DYRK1A: variants seen among roughly 807,000 people sequenced by gnomAD.
DYRK1A encodes dual specificity tyrosine phosphorylation regulated kinase 1A, also known as dual specificity tyrosine-phosphorylation-regulated kinase 1A.
Under a neutral mutation model 79.7 loss-of-function variants are expected in DYRK1A, and 9 were observed. That is an observed-to-expected ratio of 0.11 (90% CI 0.07 to 0.20). DYRK1A has a LOEUF of 0.20. Ranked by LOEUF, DYRK1A falls within the 10% of genes least tolerant of loss-of-function variation. The pLI, the probability that DYRK1A is intolerant of heterozygous loss-of-function variation, is 1.00. For synonymous variants in DYRK1A, 349 were observed against 329.7 expected (o/e 1.06, Z -0.63); for missense variants, 622 against 956.0 (o/e 0.65, Z 4.61).
intron 11 of DYRK1A, among the ~76,000 whole-genome samples, chr21:37,507,722 C>T (rs916379096): frequency 1.5e-5 from 2 of 135,830 alleles, no homozygotes; most frequent in Non-Finnish European, 3.0e-5. Flanking sequence ...TTTCTTCTAC[C>T]CAGCACTGAA....
intron 10 of DYRK1A, 24 bp from the exon 11 acceptor site, chr21:37,506,075 T>C: frequency 6.3e-7 from 1 of 1,598,114 alleles, no homozygotes; most frequent in East Asian, 2.2e-5. Flanking sequence ...CACAGTTGTA[T>C]TGTTTTGTGT....
At chr21:37,430,560 C>G (rs1011332184) in intron 2 of DYRK1A, among the ~76,000 whole-genome samples, 1 of 152,344 alleles carries the variant, frequency 6.6e-6, no homozygotes, top group Middle Eastern at 3.4e-3. Context: ...TTTTGCCTCT[C>G]TCCTAAGTGA....
intron 2 of DYRK1A, among the ~76,000 whole-genome samples, chr21:37,444,041 T>TG: frequency 6.6e-6 from 1 of 152,168 alleles, no homozygotes; most frequent in Non-Finnish European, 1.5e-5. Flanking sequence ...TCTTAGGGTG[T>TG]TACACACCTC....
chr21:37,524,260 T>A lies in DYRK1A; in HGVS notation c.*11729T>A, dbSNP rs1301768241. On this transcript the variant is annotated 3_prime_UTR_variant, in exon 12 of 12. Transcript: ENST00000647188. The stretch of plus-strand genomic sequence containing the variant: ...TTGGGTGGTATAGTGAGACCCCCCA[T>A]CTCCACAAAAAGTAAAAAAAAACCA... 13 of 146,246 alleles carry A rather than the reference T, an allele frequency of 8.9e-5. No individual in the cohort carries two copies. The highest frequency in any genetic ancestry group is 8.8e-4 in the Admixed American group (13 of 14,730). 9.1% of individuals were successfully genotyped at this position (146,246 alleles called of 1,614,324 possible). A position where few individuals can be genotyped will look rare whatever the true frequency, so the allele number is the denominator to read the frequency against.
At chr21:37,438,994 G>T (rs899594199) in intron 2 of DYRK1A, among the ~76,000 whole-genome samples, 4 of 152,050 alleles carry the variant, frequency 2.6e-5, no homozygotes, top group Non-Finnish European at 5.9e-5. Flanking sequence ...CTAATTTTCA[G>T]TATGCAGTTT....
At chr21:37,398,518 C>T (rs1192701527) in intron 1 of DYRK1A, among the ~76,000 whole-genome samples, 1 of 152,118 alleles carries the variant, frequency 6.6e-6, no homozygotes, top group Non-Finnish European at 1.5e-5. Flanking sequence ...TAAACAGACT[C>T]AGAAAAAGTT....
intron 9 of DYRK1A, among the ~76,000 whole-genome samples, chr21:37,497,227 A>G (rs2053298852): frequency 6.6e-6 from 1 of 152,172 alleles, no homozygotes; most frequent in Non-Finnish European, 1.5e-5. Context: ...CCACACAGCT[A>G]TGGAGTCATA....
chr21:37,422,586 A>T lies in DYRK1A; in HGVS notation c.10+2202A>T, dbSNP rs116351731. ...CTTTTCCTTGATGAGGCACAGGTTC[A>T]GGGATGCTGGAAAGGACACTGAAGT... On this transcript the variant is annotated intron_variant, in intron 2 of 11. Transcript: ENST00000647188. Among the ~76,000 whole-genome samples, 750 of 152,240 alleles carry T rather than the reference A, an allele frequency of 4.9e-3. 5 individuals are homozygous for T. Among genetic ancestry groups the T allele is most frequent in the African/African-American group, 0.017 (689 of 41,560 alleles).
At chr21:37,385,963 A>G (rs2148377921) in intron 1 of DYRK1A, among the ~76,000 whole-genome samples, 1 of 152,254 alleles carries the variant, frequency 6.6e-6, no homozygotes, top group South Asian at 2.1e-4. Context: ...CCTTCTTTGC[A>G]CCCGTTAACA....
chr21:37,421,538 T>TA (rs750570113), intron 2 of DYRK1A, among the ~76,000 whole-genome samples: 4 of 152,160 alleles, frequency 2.6e-5, no homozygotes, highest in Non-Finnish European at 4.4e-5. Flanking sequence ...TCATCTCTGT[T>TA]ACGCATCTAT....
chr21:37,421,227 G>A (rs901449371), intron 2 of DYRK1A, among the ~76,000 whole-genome samples: 4 of 151,920 alleles, frequency 2.6e-5, no homozygotes, highest in Non-Finnish European at 5.9e-5. Flanking sequence ...ATTGCTAACT[G>A]GAAAAGAAAT....
At chr21:37,394,409 T>G (rs1295179410) in intron 1 of DYRK1A, among the ~76,000 whole-genome samples, 1 of 152,220 alleles carries the variant, frequency 6.6e-6, no homozygotes, top group Non-Finnish European at 1.5e-5. Context: ...GTACTCATCT[T>G]GATACGGATC....
intron 2 of DYRK1A, among the ~76,000 whole-genome samples, chr21:37,441,133 A>G (rs752466201): frequency 4.6e-5 from 7 of 152,122 alleles, no homozygotes; most frequent in Admixed American, 6.5e-5. Context: ...TGACACTTTT[A>G]TCATTGGAAA....
At chr21:37,499,725 T>A (rs1270544150) in intron 9 of DYRK1A, among the ~76,000 whole-genome samples, 1 of 152,234 alleles carries the variant, frequency 6.6e-6, no homozygotes, top group Non-Finnish European at 1.5e-5. Context: ...TCATTTTTGG[T>A]ATACAGAAAT....
intron 2 of DYRK1A, among the ~76,000 whole-genome samples, chr21:37,421,242 A>G (rs1290004964): frequency 6.6e-6 from 1 of 152,124 alleles, no homozygotes; most frequent in Admixed American, 6.6e-5. Context: ...AGAAATATTT[A>G]TATAAATTTT....
At chr21:37,409,313 T>G (rs1010806341) in intron 1 of DYRK1A, among the ~76,000 whole-genome samples, 1 of 152,168 alleles carries the variant, frequency 6.6e-6, no homozygotes, top group Admixed American at 6.5e-5. Context: ...ATTCTGTGGG[T>G]GCAATAAGTG....
chr21:37,395,005 T>C (rs1342356548), intron 1 of DYRK1A, among the ~76,000 whole-genome samples: 7 of 152,220 alleles, frequency 4.6e-5, no homozygotes, highest in Non-Finnish European at 1.0e-4. Flanking sequence ...GAGAGGGATC[T>C]CAGATTCCCT....
Position 37,519,948 on chromosome 21 carries a change from TGTTA to T in DYRK1A, c.*7419_*7422del, listed in dbSNP as rs1412028581. On this transcript the variant is annotated 3_prime_UTR_variant, in exon 12 of 12. Coordinates refer to ENST00000647188, the MANE Select transcript of DYRK1A (RefSeq NM_001347721.2). ...TTTTAGTAGAGATGGGGTTTCACCA[TGTTA>T]GGCAGGATGGTCTCAGTCTCCTGAC... The T allele has an allele frequency of 3.9e-5, 6 of 152,252 alleles. No homozygotes were observed. The highest frequency in any genetic ancestry group is 6.8e-3 in the Middle Eastern group (2 of 294). The allele number at this position is 152,252 out of a possible 1,614,324, so 9.4% of individuals were successfully genotyped here.
chr21:37,512,158 C>T lies in DYRK1A; in HGVS notation c.1892C>T (p.Ser631Phe), dbSNP rs1231286549. Residue 631 changes from serine to phenylalanine, a missense_variant, in exon 12 of 12, where the codon TCC becomes TTC. Physicochemically the swap from Ser to Phe is radical, Grantham distance 155. Transcript: ENST00000647188. ...GTCTACAATTCTCCAACGAATAGCT[C>T]CTCTACCCAAGATTCTATGGAGGTT... ...PRVYNSPTNS[S>F]STQDSMEVGH... 1 of 1,614,096 alleles carries T rather than the reference C, an allele frequency of 6.2e-7. No homozygotes were observed. Among genetic ancestry groups the T allele is most frequent in the African/African-American group, 1.3e-5 (1 of 74,928 alleles).
Sources: allele counts gnomAD v4.1 joint callset (sites outside exome capture counted in the v4.1 genomes callset), GRCh38; gene constraint gnomAD v4.1.1; transcripts MANE v1.5; gene names NCBI Gene and HGNC (gene_info 2026-07-23, HGNC 2026-07-21).